Variants in WWOX observed in about 807,000 individuals in gnomAD.
The protein encoded by WWOX is WW domain containing oxidoreductase.
A neutral mutation model predicts 46.2 loss-of-function variants in WWOX; 69 were observed. The observed-to-expected ratio is 1.49, with a 90% confidence interval of 1.23 to 1.82. The LOEUF (loss-of-function observed/expected upper bound fraction) is 1.82. WWOX is among the 40% of genes most tolerant of loss of function. The probability of loss-of-function intolerance (pLI) is 0.00; values close to 1 mark genes in which losing one functional copy is unlikely to be tolerated. For missense variants in WWOX, 919 were observed against 542.6 expected, an observed-to-expected ratio of 1.69 and a Z score of -6.89; for synonymous variants, 359 against 202.6, an observed-to-expected ratio of 1.77 and a Z score of -6.56.
At chr16:78,192,681 A>G (rs1158327565) in intron 5 of WWOX, among the ~76,000 whole-genome samples, 2 of 152,116 alleles carry the variant, frequency 1.3e-5, no homozygotes, top group Non-Finnish European at 2.9e-5. Flanking sequence ...TTGAAGCTTT[A>G]TTGTTACAGA....
chr16:78,245,131 G>A (rs2151823222), intron 5 of WWOX, among the ~76,000 whole-genome samples: 1 of 152,244 alleles, frequency 6.6e-6, no homozygotes, highest in South Asian at 2.1e-4. Flanking sequence ...TTAACACATT[G>A]TTAATTATCC....
At chr16:79,032,435 A>G (rs2047782033) in intron 8 of WWOX, among the ~76,000 whole-genome samples, 1 of 147,304 alleles carries the variant, frequency 6.8e-6, no homozygotes, top group Admixed American at 6.9e-5. Context: ...TTGAGAGTGT[A>G]TATATTATAT....
At chr16:79,208,062 T>C (rs2051578727) in intron 8 of WWOX, among the ~76,000 whole-genome samples, 2 of 152,212 alleles carry the variant, frequency 1.3e-5, no homozygotes. Flanking sequence ...GCTGCAAATC[T>C]GACAGATGAT....
At chr16:78,568,656 G>C (rs2044637645) in intron 8 of WWOX, among the ~76,000 whole-genome samples, 1 of 151,772 alleles carries the variant, frequency 6.6e-6, no homozygotes, top group African/African-American at 2.4e-5. Flanking sequence ...TTGTATTTTA[G>C]TAGAGGTGGG....
At chr16:79,167,572 G>A (rs879284110) in intron 8 of WWOX, among the ~76,000 whole-genome samples, 3 of 152,218 alleles carry the variant, frequency 2.0e-5, no homozygotes, top group East Asian at 1.9e-4. Context: ...TCCACGCATC[G>A]TAATTCCCAT....
chr16:78,633,523 G>T (rs556650111), intron 8 of WWOX, among the ~76,000 whole-genome samples: 1 of 152,190 alleles, frequency 6.6e-6, no homozygotes, highest in Non-Finnish European at 1.5e-5. Context: ...TCTAGCTAAC[G>T]CATGGCAACG....
In WWOX at chr16:78,345,385, C is replaced by G. The variant is rs150696160; in HGVS notation, c.517-41475C>G. ...CCTTTAATCCCAGCACTTTGCGAGGCCAAGGTGGGCAGATTACTTGAGCCC... is the reference window on the plus strand; with the variant it reads ...CCTTTAATCCCAGCACTTTGCGAGGGCAAGGTGGGCAGATTACTTGAGCCC... On this transcript the variant is annotated intron_variant, in intron 5 of 8. Coordinates refer to ENST00000566780, the MANE Select transcript of WWOX (RefSeq NM_016373.4). Among the ~76,000 whole-genome samples, 496 of 97,320 alleles carry G rather than the reference C, an allele frequency of 5.1e-3. 95 individuals are homozygous for G. The highest frequency in any genetic ancestry group is 0.017 in the African/African-American group (471 of 28,364). 63.8% of individuals were successfully genotyped at this position (97,320 alleles called of 152,430 possible). A position where few individuals can be genotyped will look rare whatever the true frequency, so the allele number is the denominator to read the frequency against.
chr16:78,672,549 GC>G (rs1351742246), intron 8 of WWOX, among the ~76,000 whole-genome samples: 1 of 152,210 alleles, frequency 6.6e-6, no homozygotes, highest in Non-Finnish European at 1.5e-5. Context: ...GTGTAGCATG[GC>G]AAGAGAAGTC....
At chr16:78,832,387 T>C (rs575938250) in intron 8 of WWOX, among the ~76,000 whole-genome samples, 146 of 152,278 alleles carry the variant, frequency 9.6e-4, no homozygotes, top group Admixed American at 2.2e-3. Context: ...TCATGCACTG[T>C]CAAGCACCGT....
rs190080663 is a variant in WWOX at position 78,579,895 on chromosome 16, T to G, written c.1056+147143T>G. Among the ~76,000 whole-genome samples the G allele has an allele frequency of 4.6e-5, 7 of 152,284 alleles. No individual in the cohort carries two copies. In the East Asian group the frequency reaches 1.2e-3, roughly 25 times the overall value. On this transcript the variant is annotated intron_variant, in intron 8 of 8. Coordinates refer to ENST00000566780, the MANE Select transcript of WWOX (RefSeq NM_016373.4). Reference sequence around the variant, plus strand: ...CTCACTGGAACCCAAGCAAAGTGTCTCTGCATTTCACTCCGAGCCATCGAC... The same window carrying G: ...CTCACTGGAACCCAAGCAAAGTGTCGCTGCATTTCACTCCGAGCCATCGAC...
chr16:78,832,727 A>G (rs1214120923), intron 8 of WWOX, among the ~76,000 whole-genome samples: 1 of 152,144 alleles, frequency 6.6e-6, no homozygotes, highest in Non-Finnish European at 1.5e-5. Context: ...ACCCAAGGGA[A>G]TCATGTGTCA....
intron 8 of WWOX, among the ~76,000 whole-genome samples, chr16:78,981,554 C>A (rs1412076079): frequency 3.3e-5 from 5 of 152,002 alleles, no homozygotes; most frequent in Admixed American, 2.6e-4. Flanking sequence ...TCTCCTGCCT[C>A]AGCCTCCCAA....
intron 8 of WWOX, among the ~76,000 whole-genome samples, chr16:79,163,866 C>A (rs1597436033): frequency 5.9e-5 from 7 of 118,984 alleles, no homozygotes; most frequent in South Asian, 3.0e-4. Flanking sequence ...GTGAAAGCAA[C>A]AGTAAGGAAG....
intron 8 of WWOX, among the ~76,000 whole-genome samples, chr16:78,954,190 A>G (rs149100292): frequency 2.0e-5 from 3 of 152,116 alleles, no homozygotes; most frequent in South Asian, 2.1e-4. Flanking sequence ...GGATGGGTGG[A>G]TGGATGGATG....
chr16:78,460,356 G>A (rs2151422386), intron 8 of WWOX, among the ~76,000 whole-genome samples: 1 of 152,028 alleles, frequency 6.6e-6, no homozygotes, highest in African/African-American at 2.4e-5. Context: ...TCAAACTACT[G>A]ACCTCTCCTC....
chr16:78,904,332 G>C (rs1005724213), intron 8 of WWOX, among the ~76,000 whole-genome samples: 1 of 150,006 alleles, frequency 6.7e-6, no homozygotes, highest in African/African-American at 2.5e-5. Context: ...TCTGCCTCCC[G>C]GGTTCAAGCA....
intron 8 of WWOX, among the ~76,000 whole-genome samples, chr16:78,616,048 C>T (rs1264833068): frequency 2.0e-5 from 3 of 152,040 alleles, no homozygotes; most frequent in Admixed American, 6.5e-5. Context: ...CTGTGCCTGG[C>T]CAGGATAATC....
intron 8 of WWOX, among the ~76,000 whole-genome samples, chr16:78,486,633 G>A (rs1271998610): frequency 6.6e-6 from 1 of 151,090 alleles, no homozygotes; most frequent in Non-Finnish European, 1.5e-5. Flanking sequence ...GGAGTGTAGT[G>A]GTGTGATCTC....
chr16:78,298,613 G>A (rs184118710), intron 5 of WWOX, among the ~76,000 whole-genome samples: 24 of 152,254 alleles, frequency 1.6e-4, no homozygotes, highest in African/African-American at 5.1e-4. Flanking sequence ...CCAACATGGA[G>A]AAACCTTGCC....
Sources: allele counts gnomAD v4.1 joint callset (sites outside exome capture counted in the v4.1 genomes callset), GRCh38; gene constraint gnomAD v4.1.1; transcripts MANE v1.5; gene names NCBI Gene and HGNC (gene_info 2026-07-23, HGNC 2026-07-21).